CYTH1: variants seen among roughly 807,000 people sequenced by gnomAD.
CYTH1 encodes the protein cytohesin 1.
CYTH1 carries 18 observed loss-of-function variants against 61.8 expected under a neutral mutation model. The ratio of observed to expected loss-of-function variants is 0.29; its 90% CI spans 0.20 to 0.43. The LOEUF (loss-of-function observed/expected upper bound fraction) is 0.43, where lower values mean the gene tolerates loss of function less well. CYTH1 is among the 20% of genes least tolerant of loss of function. CYTH1 has a pLI of 1.00. For missense variants in CYTH1, 336 were observed against 510.5 expected, an observed-to-expected ratio of 0.66 and a Z score of 3.29; for synonymous variants, 174 against 184.3, an observed-to-expected ratio of 0.94 and a Z score of 0.45.
At chr17:78,755,900 G>C (rs996178284) in intron 1 of CYTH1, among the ~76,000 whole-genome samples, 11 of 148,914 alleles carry the variant, frequency 7.4e-5, no homozygotes, top group African/African-American at 2.5e-4. Flanking sequence ...GAAAGAGCAA[G>C]ACACTGCCTC....
chr17:78,723,908 C>T (rs1281725709), intron 1 of CYTH1: 1 of 152,360 alleles, frequency 6.6e-6, no homozygotes, highest in African/African-American at 2.4e-5. Flanking sequence ...TGCTCCAACA[C>T]CGTCCTGGAG....
intron 11 of CYTH1, chr17:78,692,096 G>A (rs2092892973): frequency 7.6e-6 from 2 of 264,630 alleles, no homozygotes; most frequent in East Asian, 1.9e-4. Flanking sequence ...CTCTTTCTCG[G>A]CAACCAATGC....
intron 1 of CYTH1, among the ~76,000 whole-genome samples, chr17:78,735,950 T>C (rs1396640695): frequency 2.6e-5 from 4 of 152,200 alleles, no homozygotes; most frequent in East Asian, 1.9e-4. Flanking sequence ...CAGAATCTCT[T>C]GGGATTTAGA....
intron 1 of CYTH1, among the ~76,000 whole-genome samples, chr17:78,737,340 T>C (rs192515635): frequency 1.8e-4 from 27 of 152,236 alleles, no homozygotes; most frequent in Non-Finnish European, 1.6e-4. Context: ...TTAAAGAAAA[T>C]GAAAAGAAAA....
intron 1 of CYTH1, among the ~76,000 whole-genome samples, chr17:78,740,224 T>C (rs774944883): frequency 3.9e-5 from 6 of 152,060 alleles, no homozygotes; most frequent in African/African-American, 1.2e-4. Flanking sequence ...GCGTGAGCCA[T>C]TGCACCAGGC....
At chr17:78,751,004 G>C (rs545866019) in intron 1 of CYTH1, among the ~76,000 whole-genome samples, 1 of 151,976 alleles carries the variant, frequency 6.6e-6, no homozygotes, top group East Asian at 1.9e-4. Flanking sequence ...TTTTGTTTAA[G>C]ACAGGGTCTC....
At chr17:78,734,780 T>C (rs1440096875) in intron 1 of CYTH1, among the ~76,000 whole-genome samples, 2 of 152,064 alleles carry the variant, frequency 1.3e-5, no homozygotes. Flanking sequence ...GGGTTTGAGA[T>C]TAATGCAGCA....
chr17:78,743,020 T>C (rs527365419), intron 1 of CYTH1, among the ~76,000 whole-genome samples: 1 of 152,312 alleles, frequency 6.6e-6, no homozygotes, highest in African/African-American at 2.4e-5. Context: ...TCTGTTGTAT[T>C]TATTTAGTGT....
chr17:78,776,356 A>G (rs1317755260), intron 1 of CYTH1, among the ~76,000 whole-genome samples: 1 of 152,018 alleles, frequency 6.6e-6, no homozygotes, highest in Non-Finnish European at 1.5e-5. Flanking sequence ...AGAAATATAT[A>G]CTGGCAACAG....
rs192751211 is a variant in CYTH1, at chr17:78,751,895, G to A, written c.22+30307C>T. 1.2e-3 allele frequency among the ~76,000 whole-genome samples: 184 copies of A among 152,012 alleles called. 1 individual carries two copies. The highest frequency in any genetic ancestry group is 4.3e-3 in the African/African-American group (180 of 41,466). On this transcript the variant is annotated intron_variant, in intron 1 of 13. Transcript: ENST00000446868. ...CATGATCTCGGCTCACTGCAAACCC[G>A]GCTAATTGTTTTGTATTTTTAGTAG...
At chr17:78,695,736 C>CCA (rs556915863) in intron 10 of CYTH1, among the ~76,000 whole-genome samples, 146 of 152,330 alleles carry the variant, frequency 9.6e-4, no homozygotes, top group African/African-American at 3.4e-3. Context: ...GAAACTTCCT[C>CCA]TGCTTTTACA....
chr17:78,755,514 A>T (rs2093397270), intron 1 of CYTH1, among the ~76,000 whole-genome samples: 1 of 131,772 alleles, frequency 7.6e-6, no homozygotes, highest in African/African-American at 3.0e-5. Flanking sequence ...AAGGAAAGAA[A>T]GCCAGACACA....
intron 11 of CYTH1, among the ~76,000 whole-genome samples, chr17:78,681,279 C>T (rs1282449367): frequency 6.6e-6 from 1 of 152,148 alleles, no homozygotes; most frequent in Non-Finnish European, 1.5e-5. Context: ...TCAACAGACA[C>T]CGTGAGAGTG....
chr17:78,744,192 A>T (rs957140630), intron 1 of CYTH1, among the ~76,000 whole-genome samples: 1 of 152,202 alleles, frequency 6.6e-6, no homozygotes, highest in Non-Finnish European at 1.5e-5. Flanking sequence ...CTTCATGTTT[A>T]CCAGAAGTGC....
At chr17:78,710,964 T>C (rs2093122633) in intron 1 of CYTH1, among the ~76,000 whole-genome samples, 2 of 151,816 alleles carry the variant, frequency 1.3e-5, no homozygotes, top group African/African-American at 4.8e-5. Context: ...GTGCTGTAGG[T>C]AAAAAATATA....
At chr17:78,768,024 C>G (rs201444680) in intron 1 of CYTH1, among the ~76,000 whole-genome samples, 1 of 152,050 alleles carries the variant, frequency 6.6e-6, no homozygotes, top group Non-Finnish European at 1.5e-5. Context: ...AATGTGAGAC[C>G]GATCGTCCTG....
chr17:78,692,497 C>T lies in CYTH1; in HGVS notation c.815-4G>A. The T allele has an allele frequency of 1.2e-6, 2 of 1,613,732 alleles. No individual in the cohort carries two copies. The highest frequency in any genetic ancestry group is 1.7e-6 in the Non-Finnish European group (2 of 1,179,930). On this transcript the variant is annotated splice_region_variant and splice_polypyrimidine_tract_variant and intron_variant, in intron 10 of 13. Coordinates refer to ENST00000446868, the MANE Select transcript of CYTH1 (RefSeq NM_004762.6). ...TTCCAAGTCTTTACCCTGCCACCTG[C>T]AGAGCAAAAAGAGATGCACGTTCGA... is the stretch of plus-strand genomic sequence containing the variant.
intron 4 of CYTH1, 105 bp from the exon 5 acceptor site, chr17:78,702,345 A>T: frequency 9.4e-7 from 1 of 1,063,324 alleles, no homozygotes; most frequent in Non-Finnish European, 1.4e-6. Flanking sequence ...TGGAATATTT[A>T]ATAAATACTT....
At chr17:78,767,774 C>T (rs562614747) in intron 1 of CYTH1, among the ~76,000 whole-genome samples, 5 of 151,852 alleles carry the variant, frequency 3.3e-5, no homozygotes, top group Non-Finnish European at 7.4e-5. Flanking sequence ...GGGCCAGGAG[C>T]AAGTCTCGGA....
Sources: gnomAD v4.1 joint callset for allele counts (sites outside exome capture counted in the v4.1 genomes callset) on GRCh38, gnomAD v4.1.1 for gene constraint, MANE v1.5 for transcripts, NCBI Gene and HGNC (gene_info 2026-07-23, HGNC 2026-07-21) for gene names.